Variants in KIAA1755 observed in about 807,000 individuals in gnomAD.
The protein encoded by KIAA1755 is KIAA1755.
KIAA1755 carries 68 observed loss-of-function variants against 91.7 expected under a neutral mutation model. That is an observed-to-expected ratio of 0.74 (90% confidence interval 0.61 to 0.91). The LOEUF is 0.91. Among genes scored for constraint, KIAA1755 ranks in the 40% least tolerant of loss-of-function variants. The pLI is 0.00. For missense variants in KIAA1755, 1,535 were observed against 1,494.4 expected (o/e 1.03, Z -0.45); for synonymous variants, 610 against 604.6 (o/e 1.01, Z -0.13).
chr20:38,213,174 G>T lies in KIAA1755; in HGVS notation c.3471C>A (p.Thr1157=). ...DPAREHLLAT[T]FFRQQPPRQS... ...GCCTGGGGGGCTGCTGCCGGAAGAA[G>T]GTGGTGGCAAGCAAATGCTCGCGGG... Residue 1157 remains threonine (T), a synonymous_variant, in exon 14 of 14, where the codon ACC becomes ACA. Coordinates refer to ENST00000279024, the MANE Select transcript of KIAA1755 (RefSeq NM_001029864.2). The T allele has an allele frequency of 6.2e-7, 1 of 1,613,852 alleles. No homozygotes were observed. Among genetic ancestry groups the T allele is most frequent in the Non-Finnish European group, 8.5e-7 (1 of 1,179,986 alleles).
At chr20:38,215,469 A>G (rs1220953273) in intron 13 of KIAA1755, among the ~76,000 whole-genome samples, 1 of 152,226 alleles carries the variant, frequency 6.6e-6, no homozygotes. Context: ...CGCAGGCACC[A>G]TGCAAGAGAC....
rs201894627 is a variant in KIAA1755 at position 38,241,296 on chromosome 20, G to T, written c.835C>A (p.Leu279Ile). 1.2e-6 allele frequency: 2 copies of T among 1,614,094 alleles called. No individual in the cohort carries two copies. The highest frequency in any genetic ancestry group is 1.7e-6 in the Non-Finnish European group (2 of 1,179,994). ...CCTCTGCTCTCTTGGGAAAAGCCTA[G>T]GAGAGCCACATAGTCTCCCTCGAAG... ...QDFEGDYVAL[L>I]GFSQESRGES... is the part of the protein sequence containing the mutation. The change falls in exon 3 of 14, where the codon CTA becomes ATA. Residue 279 changes from leucine to isoleucine, a missense_variant. By Grantham distance (5) the Leu-to-Ile change is conservative. Transcript: ENST00000279024.
chr20:38,225,586 A>T (rs1257982117), intron 8 of KIAA1755, 79 bp downstream of exon 8: 1 of 907,528 alleles, frequency 1.1e-6, no homozygotes. Context: ...AGCAGGGTTG[A>T]TGGATCCATG....
chr20:38,242,568 AAAAGTGCACAGAG>A (rs1173682986), intron 2 of KIAA1755, among the ~76,000 whole-genome samples: 9 of 152,266 alleles, frequency 5.9e-5, no homozygotes, highest in Admixed American at 5.9e-4. Flanking sequence ...AGCCTATCTT[AAAAGTGCACAGAG>A]CACTTACATC....
intron 1 of KIAA1755, among the ~76,000 whole-genome samples, chr20:38,252,444 A>T (rs1218003917): frequency 6.6e-6 from 1 of 152,160 alleles, no homozygotes. Flanking sequence ...GGAGCCAAGT[A>T]GGAATGACCC....
chr20:38,247,402 G>T (rs1316705361), intron 1 of KIAA1755, among the ~76,000 whole-genome samples: 1 of 152,118 alleles, frequency 6.6e-6, no homozygotes, highest in African/African-American at 2.4e-5. Flanking sequence ...CTTCCTGCTG[G>T]AATGCCCTTC....
chr20:38,256,255 C>A (rs1237579577), intron 1 of KIAA1755, among the ~76,000 whole-genome samples: 1 of 152,168 alleles, frequency 6.6e-6, no homozygotes, highest in Non-Finnish European at 1.5e-5. Context: ...TGCTCAACAA[C>A]CTCGGGTGGC....
intron 1 of KIAA1755, among the ~76,000 whole-genome samples, chr20:38,257,813 G>A (rs921630436): frequency 1.3e-5 from 2 of 152,026 alleles, no homozygotes; most frequent in East Asian, 1.9e-4. Flanking sequence ...AACAGTCCTC[G>A]GGCTTGAAAT....
At position 38,211,585 on chromosome 20, in the gene KIAA1755, G is replaced by A. The variant is rs1394997468; in HGVS notation, c.*1457C>T. ...AACCCCAATGGTACTGGGCCACAGA[G>A]GCTGGGCATAGAGAAGTGGAAGTTG... On this transcript the variant is annotated 3_prime_UTR_variant, in exon 14 of 14. Coordinates refer to ENST00000279024, the MANE Select transcript of KIAA1755 (RefSeq NM_001029864.2). 1 of 152,278 alleles carries A rather than the reference G, an allele frequency of 6.6e-6. No homozygotes were observed. The highest frequency in any genetic ancestry group is 1.5e-5 in the Non-Finnish European group (1 of 68,128). The allele number at this position is 152,278 out of a possible 1,614,324, so 9.4% of individuals were successfully genotyped here. A position where few individuals can be genotyped will look rare whatever the true frequency, so the allele number is the denominator to read the frequency against.
At chr20:38,249,331 G>A (rs1302029617) in intron 1 of KIAA1755, among the ~76,000 whole-genome samples, 1 of 152,180 alleles carries the variant, frequency 6.6e-6, no homozygotes, top group East Asian at 1.9e-4. Context: ...TGCCCAGGGG[G>A]GCAAAGGGAG....
chr20:38,237,821 G>A (rs1323627919), intron 4 of KIAA1755, among the ~76,000 whole-genome samples: 1 of 151,708 alleles, frequency 6.6e-6, no homozygotes. Context: ...TTGGTTACGG[G>A]GGATGCGATG....
rs1479856397 is a variant in KIAA1755, at chr20:38,217,381, G to C, written c.2773C>G (p.Pro925Ala). The change falls in exon 13 of 14, where the codon CCA becomes GCA. Residue 925 changes from proline to alanine, a missense_variant. By Grantham distance (27) the Pro-to-Ala change is conservative. Transcript: ENST00000279024. ...GTAGAGGCAAAGGCTGCCAGCTCTG[G>C]GAACTCTGCACGTTCTGCCTCCCCA... The part of the protein sequence containing the change: ...GAGEAERAEF[P>A]ELAAFASTQR... 6.2e-7 allele frequency: 1 copy of C among 1,613,464 alleles called. No homozygotes were observed. The highest frequency in any genetic ancestry group is 1.1e-5 in the South Asian group (1 of 90,870).
At chr20:38,213,853 T>C in intron 13 of KIAA1755, 110 bp from the exon 14 acceptor site, 1 of 723,280 alleles carries the variant, frequency 1.4e-6, no homozygotes, top group Non-Finnish European at 2.1e-6. Flanking sequence ...GGCCATGATC[T>C]TCTCCACTGA....
At chr20:38,246,816 G>A (rs921967060) in intron 1 of KIAA1755, among the ~76,000 whole-genome samples, 10 of 152,068 alleles carry the variant, frequency 6.6e-5, no homozygotes, top group African/African-American at 1.9e-4. Context: ...GTCCTACCTC[G>A]GTGATGACCC....
chr20:38,225,188 T>TA (rs1277726639), intron 8 of KIAA1755, among the ~76,000 whole-genome samples: 1 of 152,070 alleles, frequency 6.6e-6, no homozygotes. Context: ...TTTTAGTAGA[T>TA]ATGAGGTTTT....
At chr20:38,221,861 G>A (rs1299842038) in intron 10 of KIAA1755, among the ~76,000 whole-genome samples, 1 of 152,170 alleles carries the variant, frequency 6.6e-6, no homozygotes, top group Admixed American at 6.5e-5. Flanking sequence ...AGAAAGCTGG[G>A]ACTTTCCAGG....
rs573641517 is a variant in KIAA1755, at chr20:38,252,116, C to T, written c.4-5990G>A. ...ATGTGCCTCAGTTTCCCCTTCTGCA[C>T]ATAGATGGGATTCTGATTCCTATCC... On this transcript the variant is annotated intron_variant, in intron 1 of 13. Transcript: ENST00000279024. Among the ~76,000 whole-genome samples the T allele has an allele frequency of 3.1e-4, 47 of 152,254 alleles. No individual in the cohort carries two copies. In the Middle Eastern group the frequency reaches 0.014, roughly 44 times the overall value.
chr20:38,214,103 T>G (rs1213367034), intron 13 of KIAA1755, among the ~76,000 whole-genome samples: 2 of 152,052 alleles, frequency 1.3e-5, no homozygotes, highest in Admixed American at 6.5e-5. Context: ...AGGCACCTGC[T>G]GCCATGCCCA....
chr20:38,247,774 G>A (rs2076182739), intron 1 of KIAA1755, among the ~76,000 whole-genome samples: 1 of 152,194 alleles, frequency 6.6e-6, no homozygotes, highest in Non-Finnish European at 1.5e-5. Context: ...AGAGGATGCA[G>A]AAGAGGGAAG....
Sources: gnomAD v4.1 joint callset for allele counts (sites outside exome capture counted in the v4.1 genomes callset) on GRCh38, gnomAD v4.1.1 for gene constraint, MANE v1.5 for transcripts, NCBI Gene and HGNC (gene_info 2026-07-23, HGNC 2026-07-21) for gene names.